The following TRDN variants were observed in gnomAD, a reference collection of about 807,000 sequenced individuals.
TRDN encodes triadin in skeletal muscle.
In TRDN, 161 loss-of-function variants were observed where a neutral mutation model predicts 149.7. That is an observed-to-expected ratio of 1.08 (90% CI 0.95 to 1.23). The LOEUF (loss-of-function observed/expected upper bound fraction) is 1.23. TRDN is among the 50% of genes most tolerant of loss of function. TRDN has a pLI of 0.00. For synonymous variants in TRDN, 294 were observed against 250.5 expected (o/e 1.17, Z -1.64); for missense variants, 896 against 823.5 (o/e 1.09, Z -1.08).
intron 24 of TRDN, among the ~76,000 whole-genome samples, chr6:123,299,921 G>A (rs1428285273): frequency 6.6e-6 from 1 of 152,024 alleles, no homozygotes; most frequent in Non-Finnish European, 1.5e-5. Flanking sequence ...TTCACATGGA[G>A]AAAACTTGTT....
intron 1 of TRDN, among the ~76,000 whole-genome samples, chr6:123,574,529 G>A (rs1381390813): frequency 6.6e-6 from 1 of 151,796 alleles, no homozygotes; most frequent in Non-Finnish European, 1.5e-5. Flanking sequence ...TCAAACCTTT[G>A]GAATAATGAT....
At chr6:123,528,788 T>C in intron 5 of TRDN, 8 of 993,536 alleles carry the variant, frequency 8.1e-6, no homozygotes, top group Non-Finnish European at 9.6e-6. Flanking sequence ...AAATCTTTTG[T>C]TCATATTCAC....
intron 9 of TRDN, among the ~76,000 whole-genome samples, chr6:123,467,724 G>T (rs1776916311): frequency 6.6e-6 from 1 of 152,152 alleles, no homozygotes; most frequent in Non-Finnish European, 1.5e-5. Context: ...AGTAATGTCA[G>T]AGAATCTTAT....
intron 9 of TRDN, among the ~76,000 whole-genome samples, chr6:123,491,982 C>T (rs1778243347): frequency 6.6e-6 from 1 of 152,040 alleles, no homozygotes; most frequent in African/African-American, 2.4e-5. Flanking sequence ...CGAGATTTAA[C>T]CAAAAATATA....
At chr6:123,510,569 G>C (rs1255513827) in intron 7 of TRDN, among the ~76,000 whole-genome samples, 1 of 151,186 alleles carries the variant, frequency 6.6e-6, no homozygotes, top group Non-Finnish European at 1.5e-5. Context: ...AAATATATTT[G>C]GCATATTATT....
chr6:123,260,801 T>C (rs1000907948), intron 33 of TRDN, among the ~76,000 whole-genome samples, 163 bp from the exon 34 acceptor site: 13 of 151,962 alleles, frequency 8.6e-5, no homozygotes, highest in African/African-American at 2.9e-4. Flanking sequence ...AATGTACTGA[T>C]GATTAATATT....
At chr6:123,558,742 T>G (rs1194564349) in intron 2 of TRDN, among the ~76,000 whole-genome samples, 2 of 152,148 alleles carry the variant, frequency 1.3e-5, no homozygotes, top group East Asian at 3.9e-4. Flanking sequence ...ACCTTCAAGG[T>G]GTACAATGAT....
chr6:123,292,470 T>C (rs1382501934), intron 24 of TRDN, among the ~76,000 whole-genome samples: 1 of 152,202 alleles, frequency 6.6e-6, no homozygotes, highest in African/African-American at 2.4e-5. Context: ...CTATACAAAC[T>C]TCCCTTTTCC....
In TRDN at chr6:123,218,538, A is replaced by G. The variant is rs1432925705; in HGVS notation, c.*63T>C. ...TTGCATATTCTTAATTGCCTGAACT[A>G]CTGTGGACAAAACATCACATTTTTA... On this transcript the variant is annotated 3_prime_UTR_variant, in exon 41 of 41. Coordinates refer to ENST00000334268, the MANE Select transcript of TRDN (RefSeq NM_006073.4). 1 of 1,546,734 alleles carries G rather than the reference A, an allele frequency of 6.5e-7. No homozygotes were observed. Among genetic ancestry groups the G allele is most frequent in the Non-Finnish European group, 8.7e-7 (1 of 1,144,002 alleles).
At chr6:123,301,768 T>TATACATATATATATATATAC in intron 24 of TRDN, among the ~76,000 whole-genome samples, 4 of 92,738 alleles carry the variant, frequency 4.3e-5, no homozygotes, top group Admixed American at 1.4e-4. Context: ...TATATATATA[T>TATACATATATATATATATAC]ACATATATAT....
At chr6:123,260,812 T>C (rs1776744202) in intron 33 of TRDN, among the ~76,000 whole-genome samples, 174 bp from the exon 34 acceptor site, 1 of 151,798 alleles carries the variant, frequency 6.6e-6, no homozygotes, top group African/African-American at 2.4e-5. Context: ...GATTAATATT[T>C]CTGATAGCTG....
intron 12 of TRDN, among the ~76,000 whole-genome samples, chr6:123,406,323 T>C (rs1302404964): frequency 6.6e-6 from 1 of 152,146 alleles, no homozygotes; most frequent in Non-Finnish European, 1.5e-5. Flanking sequence ...AAAGTTAAAT[T>C]TTTAAACACA....
chr6:123,308,726 C>T (rs9490726), intron 24 of TRDN, among the ~76,000 whole-genome samples: 22,595 of 151,870 alleles, frequency 0.15, 1,811 homozygotes, highest in South Asian at 0.22. Context: ...TGTAGTTATA[C>T]AGAACTAATG....
At chr6:123,407,887 A>AT (rs1219400509) in intron 12 of TRDN, among the ~76,000 whole-genome samples, 1 of 152,272 alleles carries the variant, frequency 6.6e-6, no homozygotes, top group Non-Finnish European at 1.5e-5. Context: ...ATAAGAAATT[A>AT]TTTTTCCACA....
At chr6:123,252,324 T>C in intron 38 of TRDN, 88 bp downstream of exon 38, 1 of 869,468 alleles carries the variant, frequency 1.2e-6, no homozygotes, top group Non-Finnish European at 1.7e-6. Context: ...TACTGAACAC[T>C]TCAAAAATAA....
chr6:123,442,380 A>G (rs1275578185), intron 10 of TRDN: 2 of 142,466 alleles, frequency 1.4e-5, no homozygotes, highest in African/African-American at 2.9e-5. Flanking sequence ...CGTCTCTACT[A>G]AAAATACAAA....
At chr6:123,527,284 C>A (rs1354571906) in intron 5 of TRDN, among the ~76,000 whole-genome samples, 2 of 151,890 alleles carry the variant, frequency 1.3e-5, no homozygotes, top group Non-Finnish European at 2.9e-5. Context: ...TGACAAATAA[C>A]ATTCTCTTTA....
At chr6:123,258,066 C>T (rs969751203) in intron 35 of TRDN, among the ~76,000 whole-genome samples, 2 of 152,176 alleles carry the variant, frequency 1.3e-5, no homozygotes, top group Admixed American at 1.3e-4. Flanking sequence ...AATATACAAT[C>T]ATGTCATCTG....
intron 9 of TRDN, among the ~76,000 whole-genome samples, chr6:123,479,725 G>T (rs564255936): frequency 6.6e-6 from 1 of 152,048 alleles, no homozygotes; most frequent in Non-Finnish European, 1.5e-5. Context: ...GACAGGGAAT[G>T]AACAAAACAT....
Sources: allele counts gnomAD v4.1 joint callset (sites outside exome capture counted in the v4.1 genomes callset), GRCh38; gene constraint gnomAD v4.1.1; transcripts MANE v1.5; gene names NCBI Gene and HGNC (gene_info 2026-07-23, HGNC 2026-07-21).